The following TFRC variants were observed in gnomAD, a reference collection of about 807,000 sequenced individuals.
TFRC encodes the protein transferrin receptor.
A neutral mutation model predicts 85.8 loss-of-function variants in TFRC; 35 were observed. The ratio of observed to expected loss-of-function variants is 0.41; its 90% CI spans 0.31 to 0.54. TFRC has a LOEUF of 0.54. TFRC is among the 20% of genes least tolerant of loss of function. The pLI, the probability that TFRC is intolerant of heterozygous loss-of-function variation, is 0.31. For synonymous variants in TFRC, 362 were observed against 328.6 expected (o/e 1.10, Z -1.10); for missense variants, 828 against 921.5 (o/e 0.90, Z 1.31).
chr3:196,069,427 A>G, intron 7 of TFRC, 28 bp downstream of exon 7: 1 of 1,315,122 alleles, frequency 7.6e-7, no homozygotes, highest in African/African-American at 1.5e-5. Context: ...AAAGTACTGT[A>G]TTTAATATTA....
intron 1 of TFRC, among the ~76,000 whole-genome samples, chr3:196,078,326 G>T (rs1035343758): frequency 1.3e-5 from 2 of 152,106 alleles, no homozygotes; most frequent in Admixed American, 6.6e-5. Flanking sequence ...TGAGGTATAC[G>T]CAAATTGTAA....
At chr3:196,064,511 T>TAA (rs1156983645) in intron 10 of TFRC, 83 bp from the exon 11 acceptor site, 32 of 1,351,204 alleles carry the variant, frequency 2.4e-5, no homozygotes, top group Non-Finnish European at 3.1e-5. Flanking sequence ...AGTAGAAAGG[T>TAA]AAAAGCACAG....
chr3:196,055,354 C>G, intron 16 of TFRC, 53 bp from the exon 17 acceptor site: 2 of 1,493,244 alleles, frequency 1.3e-6, no homozygotes, highest in South Asian at 2.3e-5. Context: ...GAGCAAGAGC[C>G]TCACATTCTG....
chr3:196,068,165 A>ATCTGATCATACG (rs771089213), intron 7 of TFRC, 35 bp from the exon 8 acceptor site: 1 of 1,511,260 alleles, frequency 6.6e-7, no homozygotes, highest in African/African-American at 1.4e-5. Context: ...GAAAATGAAG[A>ATCTGATCATACG]TCTGATCATA....
In TFRC at chr3:196,057,505, T is replaced by A. The variant is rs182979262; in HGVS notation, c.1677+779A>T. Among the ~76,000 whole-genome samples the A allele has an allele frequency of 3.9e-5, 6 of 152,126 alleles. No individual in the cohort carries two copies. The East Asian group carries it at 1.2e-3, about 29-fold the overall frequency. ...AAGCCCTTCCTTCTTTAACTCGGTG[T>A]CTGAGGGGATTTGTCTGCGGCTTGT... On this transcript the variant is annotated intron_variant, in intron 16 of 18. Coordinates refer to ENST00000360110, the MANE Select transcript of TFRC (RefSeq NM_001128148.3).
chr3:196,078,804 C>T (rs1395506527), intron 1 of TFRC, among the ~76,000 whole-genome samples: 1 of 150,456 alleles, frequency 6.6e-6, no homozygotes, highest in African/African-American at 2.4e-5. Context: ...GACAGAGTTT[C>T]GGTCTTGTTG....
In TFRC at chr3:196,070,261, T is replaced by C. The variant is rs41303521; in HGVS notation, c.688-693A>G. Among the ~76,000 whole-genome samples, 693 of 106,432 alleles carry C rather than the reference T, an allele frequency of 6.5e-3. 35 individuals carry two copies. In the East Asian group the frequency reaches 0.078, roughly 12 times the overall value. The allele number at this position is 106,432 out of a possible 152,430, so 69.8% of individuals were successfully genotyped here. On this transcript the variant is annotated intron_variant, in intron 6 of 18. Coordinates refer to ENST00000360110, the MANE Select transcript of TFRC (RefSeq NM_001128148.3). ...ACTAGAGATACGCCTGACTTACAAA[T>C]GTGATTTTTTTTTTTTTTTTGAGAT... is the stretch of plus-strand genomic sequence containing the variant.
intron 4 of TFRC, among the ~76,000 whole-genome samples, chr3:196,073,045 A>AC (rs1560087101): frequency 6.4e-4 from 85 of 132,576 alleles, no homozygotes; most frequent in Admixed American, 3.5e-3. Flanking sequence ...GCAAAAAAAA[A>AC]AAAAAAAAAA....
rs573725636 is a variant in TFRC, at chr3:196,078,220, T to C, written c.-23-1098A>G. On this transcript the variant is annotated intron_variant, in intron 1 of 18. Coordinates refer to ENST00000360110, the MANE Select transcript of TFRC (RefSeq NM_001128148.3). ...CTTGAAAATGACATTATCCTGAGATTTGCAAAATGGACATTTATTGGATAC... is the reference window on the plus strand; with the variant it reads ...CTTGAAAATGACATTATCCTGAGATCTGCAAAATGGACATTTATTGGATAC... Among the ~76,000 whole-genome samples the C allele has an allele frequency of 3.5e-4, 53 of 152,246 alleles. 1 individual carries two copies. The South Asian group carries it at 7.3e-3, about 21-fold the overall frequency.
chr3:196,081,019 T>C (rs995872162), intron 1 of TFRC, among the ~76,000 whole-genome samples: 5 of 152,162 alleles, frequency 3.3e-5, no homozygotes, highest in African/African-American at 1.2e-4. Context: ...AAGTGAGGTC[T>C]CTACAAGCAG....
At chr3:196,075,109 T>C in intron 3 of TFRC, 50 bp downstream of exon 3, 1 of 1,453,068 alleles carries the variant, frequency 6.9e-7, no homozygotes. Context: ...ATAACAGACT[T>C]CCCAGAGTTG....
In TFRC at chr3:196,069,853, G is replaced by C. The variant is rs894629331; in HGVS notation, c.688-285C>G. Among the ~76,000 whole-genome samples, 5 of 152,178 alleles carry C rather than the reference G, an allele frequency of 3.3e-5. 1 individual carries two copies. On this transcript the variant is annotated intron_variant, in intron 6 of 18. Transcript: ENST00000360110. Reference sequence around the variant, plus strand: ...AGATTAAAGAGGCCTATGTAGGCTGGTCATGGGACTGGAGGCCTGGAACAA... The same window carrying C: ...AGATTAAAGAGGCCTATGTAGGCTGCTCATGGGACTGGAGGCCTGGAACAA...
chr3:196,076,463 T>C (rs938028152), intron 2 of TFRC, among the ~76,000 whole-genome samples: 2 of 151,668 alleles, frequency 1.3e-5, no homozygotes, highest in Non-Finnish European at 2.9e-5. Context: ...TTTTTTTTTT[T>C]TTTTGAGACG....
Position 196,075,262 on chromosome 3 carries a change from T to G in TFRC, c.135A>C (p.Glu45Asp), listed in dbSNP as rs552921034. ...CCTTTGTGTTATTGTCAGCATTTTCTTCTTCATCTACAGCAAGTTTCATCT... is the reference window on the plus strand; with the variant it reads ...CCTTTGTGTTATTGTCAGCATTTTCGTCTTCATCTACAGCAAGTTTCATCT... ...HVEMKLAVDE[E>D]ENADNNTKAN... is the part of the protein sequence containing the mutation. The change falls in exon 3 of 19, where the codon GAA becomes GAC. Residue 45 changes from glutamate to aspartate, a missense_variant. By Grantham distance (45) the Glu-to-Asp change is conservative. Coordinates refer to ENST00000360110, the MANE Select transcript of TFRC (RefSeq NM_001128148.3). The G allele has an allele frequency of 1.1e-5, 17 of 1,614,052 alleles. No individual in the cohort carries two copies. Among genetic ancestry groups the G allele is most frequent in the Non-Finnish European group, 1.3e-5 (15 of 1,180,042 alleles).
chr3:196,075,072 T>TA, intron 3 of TFRC, 87 bp downstream of exon 3: 6 of 788,098 alleles, frequency 7.6e-6, no homozygotes, highest in Non-Finnish European at 1.1e-5. Flanking sequence ...AAAAATAAGG[T>TA]ACAAAATAAC....
At chr3:196,078,702 C>CA (rs1298483295) in intron 1 of TFRC, among the ~76,000 whole-genome samples, 1 of 151,638 alleles carries the variant, frequency 6.6e-6, no homozygotes, top group Non-Finnish European at 1.5e-5. Flanking sequence ...AAACCTATTA[C>CA]AAAAAATTCT....
At chr3:196,053,060 G>A (rs530619770) in intron 18 of TFRC, among the ~76,000 whole-genome samples, 1 of 151,986 alleles carries the variant, frequency 6.6e-6, no homozygotes, top group African/African-American at 2.4e-5. Flanking sequence ...GGTGCAGTGA[G>A]CCGAGACCGT....
At chr3:196,059,165 T>C (rs1331364783) in intron 14 of TFRC, among the ~76,000 whole-genome samples, 1 of 151,934 alleles carries the variant, frequency 6.6e-6, no homozygotes, top group Non-Finnish European at 1.5e-5. Context: ...AATACAAAAA[T>C]TAGCCAGGTG....
At chr3:196,061,070 T>C (rs1022815441) in intron 13 of TFRC, among the ~76,000 whole-genome samples, 4 of 152,202 alleles carry the variant, frequency 2.6e-5, no homozygotes, top group African/African-American at 9.6e-5. Context: ...TTTTCCCCCA[T>C]GTAGACATTT....
Sources: gnomAD v4.1 joint callset for allele counts (sites outside exome capture counted in the v4.1 genomes callset) on GRCh38, gnomAD v4.1.1 for gene constraint, MANE v1.5 for transcripts, NCBI Gene and HGNC (gene_info 2026-07-23, HGNC 2026-07-21) for gene names.